The following BLTP1 variants were observed in gnomAD, a reference collection of about 807,000 sequenced individuals.
The protein encoded by BLTP1 is fragile site-associated protein.
the BLTP1 span, chr4:122,356,499 T>C: frequency 1.0e-6 from 1 of 994,710 alleles, no homozygotes; most frequent in Non-Finnish European, 1.5e-6. Context: ...GTAAATCACA[T>C]ACAGATATTA....
chr4:122,249,822 G>C, the BLTP1 span: 10 of 1,409,988 alleles, frequency 7.1e-6, no homozygotes, highest in Non-Finnish European at 9.4e-6. Flanking sequence ...ATTATTTACC[G>C]GGGGTGAGTG....
the BLTP1 span, chr4:122,209,622 G>A: frequency 2.5e-6 from 1 of 399,774 alleles, no homozygotes; most frequent in South Asian, 1.0e-4. Flanking sequence ...TCCAGCTTGG[G>A]CAACAGAGAC....
the BLTP1 span, chr4:122,258,914 T>C: frequency 1.1e-6 from 1 of 900,798 alleles, no homozygotes. Flanking sequence ...ATCTCAAATT[T>C]AAATGTTAGG....
chr4:122,273,114 G>T, the BLTP1 span: 8,665 of 629,800 alleles, frequency 0.014, 195 homozygotes, highest in African/African-American at 0.081. Flanking sequence ...TTTTTTTCTG[G>T]TTGTGAAAAT....
the BLTP1 span, chr4:122,302,045 TG>T: frequency 5.5e-6 from 1 of 183,458 alleles, no homozygotes; most frequent in Non-Finnish European, 1.0e-5. Flanking sequence ...CATTTGAGCC[TG>T]GGCAACAGAG....
chr4:122,209,679 G>C, the BLTP1 span: 2 of 1,096,748 alleles, frequency 1.8e-6, no homozygotes, highest in South Asian at 3.2e-5. Context: ...TAAAATTAGT[G>C]ACAAGTATTT....
chr4:122,306,043 G>A, the BLTP1 span: 1 of 1,601,712 alleles, frequency 6.2e-7, no homozygotes, highest in Non-Finnish European at 8.5e-7. Context: ...GCCTTTGATA[G>A]AGGTAAGATA....
chr4:122,229,046 TA>T, the BLTP1 span: 1 of 1,278,374 alleles, frequency 7.8e-7, no homozygotes, highest in Non-Finnish European at 1.0e-6. Context: ...TGTGTTTATT[TA>T]AAGAAGATGA....
chr4:122,171,431 CAG>C, the BLTP1 span, among the ~76,000 whole-genome samples: 7 of 152,034 alleles, frequency 4.6e-5, no homozygotes, highest in South Asian at 1.2e-3. Context: ...GAATTGGAAA[CAG>C]AGGAAATGAG....
At chr4:122,286,763 A>G in the BLTP1 span, 1 of 1,613,336 alleles carries the variant, frequency 6.2e-7, no homozygotes, top group Non-Finnish European at 8.5e-7. Flanking sequence ...TTACAGGGAA[A>G]TTATCTGCGT....
the BLTP1 span, chr4:122,353,117 T>C: frequency 2.5e-6 from 4 of 1,613,930 alleles, no homozygotes; most frequent in East Asian, 2.2e-5. The surrounding 1 kb of genome is among the most constrained non-coding windows in gnomAD (Gnocchi z 4.3). Context: ...GAACCAAATA[T>C]TGCTTTTTGG....
the BLTP1 span, chr4:122,336,710 G>A: frequency 5.5e-6 from 5 of 905,160 alleles, no homozygotes; most frequent in Non-Finnish European, 6.6e-6. Context: ...GAGTTTGGGG[G>A]AATGAGCAAG....
chr4:122,274,333 C>T, the BLTP1 span: 1 of 1,311,182 alleles, frequency 7.6e-7, no homozygotes, highest in East Asian at 2.3e-5. Context: ...TATTTTTTCT[C>T]ATATTTAAGA....
chr4:122,246,669 T>C, the BLTP1 span: 13 of 1,598,600 alleles, frequency 8.1e-6, no homozygotes, highest in Admixed American at 2.3e-4. Flanking sequence ...TCTGAAATTT[T>C]GTGTGTGTGT....
At chr4:122,330,679 A>G in the BLTP1 span, among the ~76,000 whole-genome samples, 5 of 151,820 alleles carry the variant, frequency 3.3e-5, no homozygotes, top group South Asian at 2.1e-4. Context: ...TTTTCACCCT[A>G]TTGTTTCCAT....
chr4:122,272,024 A>G, the BLTP1 span: 4 of 1,130,838 alleles, frequency 3.5e-6, no homozygotes, highest in East Asian at 1.0e-4. Flanking sequence ...AGAAATTTTT[A>G]ATCATTTTGT....
chr4:122,165,297 C>T, the BLTP1 span, among the ~76,000 whole-genome samples: 1 of 151,750 alleles, frequency 6.6e-6, no homozygotes, highest in African/African-American at 2.4e-5. Context: ...TGTTCAATTC[C>T]CACCTATGAG....
the BLTP1 span, chr4:122,308,029 A>G: frequency 2.5e-6 from 4 of 1,613,466 alleles, no homozygotes; most frequent in Admixed American, 3.3e-5. Flanking sequence ...GGATATTCAT[A>G]TGGCTACAAA....
At chr4:122,233,032 T>C in the BLTP1 span, among the ~76,000 whole-genome samples, 1 of 152,350 alleles carries the variant, frequency 6.6e-6, no homozygotes, top group East Asian at 1.9e-4. Flanking sequence ...TTAATGTTTT[T>C]TAAAAATATG....
Sources: gnomAD v4.1 joint callset for allele counts (sites outside exome capture counted in the v4.1 genomes callset) on GRCh38, gnomAD v4.1.1 for gene constraint, Gnocchi (gnomAD v3.1) non-coding constraint, MANE v1.5 for transcripts, NCBI Gene and HGNC (gene_info 2026-07-23, HGNC 2026-07-21) for gene names.